POGK: variants seen among roughly 807,000 people sequenced by gnomAD.
POGK encodes pogo transposable element derived with KRAB domain.
In POGK, 16 loss-of-function variants were observed where a neutral mutation model predicts 54.4. The observed-to-expected ratio is 0.29, with a 90% confidence interval of 0.20 to 0.45. POGK has a LOEUF of 0.45. POGK is among the 20% of genes least tolerant of loss of function. The probability of loss-of-function intolerance (pLI) is 1.00; values close to 1 mark genes in which losing one functional copy is unlikely to be tolerated. For synonymous variants in POGK, 271 were observed against 302.2 expected (o/e 0.90, Z 1.07); for missense variants, 515 against 795.6 (o/e 0.65, Z 4.24).
At chr1:166,846,811 G>T in intron 3 of POGK, 73 bp downstream of exon 3, 1 of 1,574,240 alleles carries the variant, frequency 6.4e-7, no homozygotes, top group South Asian at 1.1e-5. Flanking sequence ...CTCTTCTCTG[G>T]TATATCCAAT....
At chr1:166,848,038 C>T (rs111408049) in intron 4 of POGK, among the ~76,000 whole-genome samples, 2 of 152,304 alleles carry the variant, frequency 1.3e-5, no homozygotes, top group Admixed American at 6.5e-5. Context: ...GCAAATGTAT[C>T]TAAGAAGTAC....
rs1657382642 is a variant in POGK, at chr1:166,839,600, C to CGGCGGTGAGTGCGCGCGGGCGGG, written c.-3+2_-3+24dup. 4 of 146,918 alleles carry CGGCGGTGAGTGCGCGCGGGCGGG rather than the reference C, an allele frequency of 2.7e-5. No individual in the cohort carries two copies. Among genetic ancestry groups the CGGCGGTGAGTGCGCGCGGGCGGG allele is most frequent in the Admixed American group, 2.7e-4 (4 of 14,864 alleles). The allele number at this position is 146,918 out of a possible 1,614,324, so 9.1% of individuals were successfully genotyped here. A position where few individuals can be genotyped will look rare whatever the true frequency, so the allele number is the denominator to read the frequency against. Reference sequence around the variant, plus strand: ...CACCCCGCGCCCTGGCCGCTGGGCCCGGCGGTGAGTGCGCGCGGGCGGGGG... The same window carrying CGGCGGTGAGTGCGCGCGGGCGGG: ...CACCCCGCGCCCTGGCCGCTGGGCCCGGCGGTGAGTGCGCGCGGGCGGGGGCGGTGAGTGCGCGCGGGCGGGGG... On this transcript the variant is annotated 5_prime_UTR_variant, in exon 1 of 6. Transcript: ENST00000367876.
At chr1:166,840,269 G>A (rs1041569385) in intron 1 of POGK, 3 of 152,350 alleles carry the variant, frequency 2.0e-5, no homozygotes, top group African/African-American at 7.2e-5. Context: ...CAGCCCAGAG[G>A]CAATGGGTTA....
rs776707341 is a variant in POGK at position 166,840,918 on chromosome 1, G to T, written c.-2-37G>T. On this transcript the variant is annotated intron_variant, in intron 1 of 5. Coordinates refer to ENST00000367876, the MANE Select transcript of POGK (RefSeq NM_017542.5). ...TCATAGGCTTTGGGGAGGTCACAGTGACACCTGGTTTTTCTGAACCTGAAT... is the reference window on the plus strand; with the variant it reads ...TCATAGGCTTTGGGGAGGTCACAGTTACACCTGGTTTTTCTGAACCTGAAT... 2.5e-6 allele frequency: 4 copies of T among 1,611,674 alleles called. No individual in the cohort carries two copies. In the Admixed American group the frequency reaches 6.7e-5, roughly 27 times the overall value.
chr1:166,855,490 C>T lies in POGK; in HGVS notation c.*2920C>T, dbSNP rs1407548233. 6.6e-6 allele frequency: 1 copy of T among 152,146 alleles called. No individual in the cohort carries two copies. The highest frequency in any genetic ancestry group is 2.4e-5 in the African/African-American group (1 of 41,412). 9.4% of individuals were successfully genotyped at this position (152,146 alleles called of 1,614,324 possible). A position where few individuals can be genotyped will look rare whatever the true frequency, so the allele number is the denominator to read the frequency against. On this transcript the variant is annotated 3_prime_UTR_variant, in exon 6 of 6. Transcript: ENST00000367876. The stretch of plus-strand genomic sequence containing the variant: ...TGTTTCAGGGGCTCTTGTGAAAATG[C>T]TAAGTATTACTGTTTCTACCTTACT...
chr1:166,854,106 T>A lies in POGK; in HGVS notation c.*1536T>A, dbSNP rs1658187676. ...CTCTTGCTTTGGGAGCTTAAAAGAT[T>A]TTACAAGACCTAATTTTGGGTTCCT... On this transcript the variant is annotated 3_prime_UTR_variant, in exon 6 of 6. Coordinates refer to ENST00000367876, the MANE Select transcript of POGK (RefSeq NM_017542.5). 1 of 152,508 alleles carries A rather than the reference T, an allele frequency of 6.6e-6. No homozygotes were observed. Among genetic ancestry groups the A allele is most frequent in the African/African-American group, 2.4e-5 (1 of 41,432 alleles). The allele number at this position is 152,508 out of a possible 1,614,324, so 9.4% of individuals were successfully genotyped here.
At chr1:166,843,377 G>A (rs1439423070) in intron 2 of POGK, among the ~76,000 whole-genome samples, 2 of 152,214 alleles carry the variant, frequency 1.3e-5, no homozygotes, top group African/African-American at 4.8e-5. Context: ...TGAGGCCTTA[G>A]CCCATCTTTC....
rs753785988 is a variant in POGK at position 166,849,574 on chromosome 1, C to T, written c.995C>T (p.Pro332Leu). The T allele has an allele frequency of 6.8e-6, 11 of 1,614,150 alleles. No homozygotes were observed. Among genetic ancestry groups the T allele is most frequent in the African/African-American group, 1.3e-5 (1 of 74,950 alleles). Residue 332 changes from proline (P) to leucine (L), a missense_variant, in exon 5 of 6, where the codon CCG (proline) becomes CTG (leucine). This residue lies in a region of POGK where 461 missense variants were observed against 743.5 expected (regional missense o/e 0.62). Coordinates refer to ENST00000367876, the MANE Select transcript of POGK (RefSeq NM_017542.5). ...RHKVPVPQHL[P>L]EDLTEKLVTY... is the part of the protein sequence containing the mutation. ...AAAGTGCCCGTGCCCCAGCACCTGC[C>T]GGAAGACCTGACTGAGAAACTCGTC...
intron 2 of POGK, among the ~76,000 whole-genome samples, chr1:166,843,668 C>G (rs1478849131): frequency 6.6e-6 from 1 of 152,206 alleles, no homozygotes; most frequent in East Asian, 1.9e-4. Context: ...ACCCCTTCCC[C>G]CGAGATCCCT....
In POGK at chr1:166,839,623, G is replaced by GGGCGGC. The variant is rs1001626465; in HGVS notation, c.-3+27_-3+32dup. The GGGCGGC allele has an allele frequency of 2.0e-5, 3 of 146,654 alleles. No individual in the cohort carries two copies. Among genetic ancestry groups the GGGCGGC allele is most frequent in the Admixed American group, 6.8e-5 (1 of 14,810 alleles). 9.1% of individuals were successfully genotyped at this position (146,654 alleles called of 1,614,324 possible). A position where few individuals can be genotyped will look rare whatever the true frequency, so the allele number is the denominator to read the frequency against. ...CCCGGCGGTGAGTGCGCGCGGGCGG[G>GGGCGGC]GGCGGCGGCGGCGCGGCCCCTCCCC... On this transcript the variant is annotated intron_variant, in intron 1 of 5. Coordinates refer to ENST00000367876, the MANE Select transcript of POGK (RefSeq NM_017542.5).
intron 2 of POGK, among the ~76,000 whole-genome samples, chr1:166,845,021 A>C (rs948502158): frequency 6.6e-6 from 1 of 152,170 alleles, no homozygotes; most frequent in Non-Finnish European, 1.5e-5. Context: ...GGAACTGCAC[A>C]CAGCTGAGTA....
In POGK at chr1:166,849,046, G is replaced by A. The variant is rs762404380; in HGVS notation, c.467G>A (p.Arg156Gln). The stretch of plus-strand genomic sequence containing the variant: ...GACAGCTTTGGCCTCCGTCTGCCTC[G>A]GGATATCACAGAGCTGCCCGAGTGG... Reference protein sequence around the residue: ...HFDSFGLRLPRDITELPEWSE... With the variant: ...HFDSFGLRLPQDITELPEWSE... The change falls in exon 5 of 6, where the codon CGG becomes CAG. Residue 156 changes from arginine (R) to glutamine (Q), a missense_variant. By Grantham distance (43) the Arg-to-Gln change is conservative (BLOSUM62 1). Transcript: ENST00000367876. 8.1e-6 allele frequency: 13 copies of A among 1,614,132 alleles called. No individual in the cohort carries two copies. The highest frequency in any genetic ancestry group is 3.3e-5 in the South Asian group (3 of 91,082).
chr1:166,844,250 C>T (rs1213637288), intron 2 of POGK, among the ~76,000 whole-genome samples: 1 of 152,138 alleles, frequency 6.6e-6, no homozygotes, highest in Non-Finnish European at 1.5e-5. Context: ...TATGTTACCC[C>T]CCCTAAGAGT....
intron 1 of POGK, 85 bp from the exon 2 acceptor site, chr1:166,840,870 T>G: frequency 6.5e-7 from 1 of 1,546,598 alleles, no homozygotes; most frequent in Non-Finnish European, 8.8e-7. Flanking sequence ...TAAAGAGGTT[T>G]GTATGTGGCT....
rs769898418 is a variant in POGK at position 166,849,850 on chromosome 1, C to T, written c.1271C>T (p.Pro424Leu). Reference sequence around the variant, plus strand: ...ATTTTGAGGGGAACATATATCCCCCCGGGGAAGTTTCCCAGTGGGATGGAA... The same window carrying T: ...ATTTTGAGGGGAACATATATCCCCCTGGGGAAGTTTCCCAGTGGGATGGAA... ...YIILRGTYIP[P>L]GKFPSGMEIR... The change falls in exon 5 of 6, where the codon CCG becomes CTG. Residue 424 changes from proline to leucine, a missense_variant. Coordinates refer to ENST00000367876, the MANE Select transcript of POGK (RefSeq NM_017542.5). 8 of 1,614,236 alleles carry T rather than the reference C, an allele frequency of 5.0e-6. No individual in the cohort carries two copies. Among genetic ancestry groups the T allele is most frequent in the Non-Finnish European group, 5.9e-6 (7 of 1,180,038 alleles).
intron 2 of POGK, among the ~76,000 whole-genome samples, chr1:166,843,893 A>G (rs1242942047): frequency 1.3e-5 from 2 of 152,216 alleles, no homozygotes; most frequent in Non-Finnish European, 2.9e-5. Context: ...CTGCAAGGCC[A>G]AGGAGGGGTG....
intron 3 of POGK, 113 bp from the exon 4 acceptor site, chr1:166,847,381 T>G: frequency 2.5e-6 from 2 of 785,790 alleles, no homozygotes; most frequent in East Asian, 5.3e-5. Flanking sequence ...CTTTTTCCCC[T>G]TGTTTTTCAC....
intron 2 of POGK, among the ~76,000 whole-genome samples, chr1:166,842,389 G>A (rs1336836684): frequency 6.6e-6 from 1 of 152,246 alleles, no homozygotes; most frequent in Non-Finnish European, 1.5e-5. Flanking sequence ...GTGGCCTCCA[G>A]GCAATCAGCC....
At chr1:166,844,441 G>A (rs2101752090) in intron 2 of POGK, among the ~76,000 whole-genome samples, 1 of 152,276 alleles carries the variant, frequency 6.6e-6, no homozygotes, top group Admixed American at 6.5e-5. Context: ...AAAATTCCTG[G>A]GCTGACTGGC....
Sources: gnomAD v4.1 joint callset for allele counts (sites outside exome capture counted in the v4.1 genomes callset) on GRCh38, gnomAD v4.1.1 for gene constraint, gnomAD v4.1.1 regional missense constraint, MANE v1.5 for transcripts, NCBI Gene and HGNC (gene_info 2026-07-23, HGNC 2026-07-21) for gene names.